Variants in SLAMF9 observed in about 807,000 individuals in gnomAD.
The protein encoded by SLAMF9 is CD2 family member 10.
In SLAMF9, 25 loss-of-function variants were observed where a neutral mutation model predicts 30.4. That is an observed-to-expected ratio of 0.82 (90% CI 0.60 to 1.15). The LOEUF is 1.15. Among genes scored for constraint, SLAMF9 ranks in the 50% most tolerant of loss-of-function variants. SLAMF9 has a pLI of 0.00. For missense variants in SLAMF9, 344 were observed against 346.1 expected, an observed-to-expected ratio of 0.99 and a Z score of 0.05; for synonymous variants, 129 against 127.2, an observed-to-expected ratio of 1.01 and a Z score of -0.09.
rs747519083 is a variant in SLAMF9 at position 159,953,661 on chromosome 1, G to A, written c.47-8C>T. 1.3e-6 allele frequency: 2 copies of A among 1,583,768 alleles called. No individual in the cohort carries two copies. Among genetic ancestry groups the A allele is most frequent in the Middle Eastern group, 1.9e-4 (1 of 5,230 alleles). ...AGAGTCTCCTTTGGCTGCCTATGCAGGAAGAAAAGAGAAGCAAACAACCCA... is the reference window on the plus strand; with the variant it reads ...AGAGTCTCCTTTGGCTGCCTATGCAAGAAGAAAAGAGAAGCAAACAACCCA... On this transcript the variant is annotated splice_polypyrimidine_tract_variant and splice_region_variant and intron_variant, in intron 1 of 3. Transcript: ENST00000368093.
At chr1:159,978,081 T>A in the SLAMF9 span, among the ~76,000 whole-genome samples, 1 of 152,008 alleles carries the variant, frequency 6.6e-6, no homozygotes, top group East Asian at 1.9e-4. Context: ...CCCCACCAGG[T>A]CATAGTTCCT....
At chr1:159,977,927 G>C in the SLAMF9 span, among the ~76,000 whole-genome samples, 3 of 152,182 alleles carry the variant, frequency 2.0e-5, no homozygotes, top group East Asian at 5.8e-4. Flanking sequence ...TGGGGAAAAG[G>C]GAGGGGGTGA....
the SLAMF9 span, among the ~76,000 whole-genome samples, chr1:159,968,143 C>T: frequency 8.5e-5 from 13 of 152,220 alleles, no homozygotes; most frequent in East Asian, 1.7e-3. Context: ...ACGTTGAAAA[C>T]GAGTAGTGGA....
the SLAMF9 span, chr1:159,973,273 G>T: frequency 4.0e-6 from 3 of 757,032 alleles, no homozygotes; most frequent in Non-Finnish European, 4.5e-6. Context: ...ACAGGAGGTG[G>T]GAACTGCTCT....
chr1:159,955,441 G>C (rs529404215), upstream of SLAMF9, among the ~76,000 whole-genome samples: 4 of 152,240 alleles, frequency 2.6e-5, no homozygotes, highest in Non-Finnish European at 5.9e-5. Context: ...TCTGTGCTGT[G>C]AAGAGTGGTG....
chr1:159,972,940 G>T, the SLAMF9 span: 2 of 1,031,040 alleles, frequency 1.9e-6, no homozygotes, highest in Non-Finnish European at 1.3e-6. Context: ...CTCCCAGGGG[G>T]TCCCACTGCA....
At chr1:159,981,407 C>T in the SLAMF9 span, among the ~76,000 whole-genome samples, 1 of 152,174 alleles carries the variant, frequency 6.6e-6, no homozygotes, top group Admixed American at 6.5e-5. Flanking sequence ...TTACAGCAGC[C>T]TGAGCTGACT....
chr1:159,954,265 T>G (rs1475117967), upstream of SLAMF9: 24 of 1,030,406 alleles, frequency 2.3e-5, no homozygotes, highest in Non-Finnish European at 3.3e-5. Flanking sequence ...GGAAATAATT[T>G]TCCCCTGACT....
At chr1:159,983,725 A>T in the SLAMF9 span, 1 of 152,246 alleles carries the variant, frequency 6.6e-6, no homozygotes, top group Non-Finnish European at 1.5e-5. Flanking sequence ...GAGGGGATAG[A>T]TGATTCCTAA....
the SLAMF9 span, chr1:159,973,142 G>A: frequency 1.3e-6 from 2 of 1,540,204 alleles, no homozygotes; most frequent in Non-Finnish European, 1.8e-6. Context: ...GCAAGGTGTG[G>A]CCATCCTTGT....
At chr1:159,976,755 G>A in the SLAMF9 span, 1 of 151,864 alleles carries the variant, frequency 6.6e-6, no homozygotes, top group African/African-American at 2.4e-5. Flanking sequence ...TGGTTGGGAG[G>A]AGGTAAAGAG....
At chr1:159,969,975 G>A in the SLAMF9 span, among the ~76,000 whole-genome samples, 4 of 152,116 alleles carry the variant, frequency 2.6e-5, no homozygotes, top group East Asian at 1.9e-4. Context: ...GCTTGAGCCC[G>A]GGGGTGAAGG....
At chr1:159,978,509 A>T in the SLAMF9 span, 6 of 152,268 alleles carry the variant, frequency 3.9e-5, no homozygotes, top group Admixed American at 3.9e-4. Flanking sequence ...GCAGCTAAGA[A>T]GGGAGACAGA....
chr1:159,983,357 G>A, the SLAMF9 span: 1 of 152,184 alleles, frequency 6.6e-6, no homozygotes, highest in Non-Finnish European at 1.5e-5. Flanking sequence ...ACCTGGACTG[G>A]AGTCACAATC....
upstream of SLAMF9, among the ~76,000 whole-genome samples, chr1:159,958,201 T>C (rs953429501): frequency 1.3e-5 from 2 of 152,216 alleles, no homozygotes; most frequent in Non-Finnish European, 2.9e-5. Context: ...AGCTAGAGCC[T>C]GTCGGTTAAC....
chr1:159,974,179 G>A, the SLAMF9 span: 297 of 729,054 alleles, frequency 4.1e-4, no homozygotes, highest in African/African-American at 4.5e-3. Flanking sequence ...GGATGGTACC[G>A]GTGCAGTGTC....
intron 2 of SLAMF9, among the ~76,000 whole-genome samples, 182 bp from the exon 3 acceptor site, chr1:159,952,716 A>G (rs983114490): frequency 6.6e-6 from 1 of 152,176 alleles, no homozygotes; most frequent in Non-Finnish European, 1.5e-5. Flanking sequence ...CCCCAAGGCA[A>G]CTGTCAAGGA....
the SLAMF9 span, among the ~76,000 whole-genome samples, chr1:159,968,864 A>G: frequency 7.9e-5 from 12 of 152,300 alleles, no homozygotes; most frequent in East Asian, 2.3e-3. Flanking sequence ...CAGCCTGGCC[A>G]ACATGGTGAA....
At chr1:159,973,852 A>G in the SLAMF9 span, 2 of 1,613,510 alleles carry the variant, frequency 1.2e-6, no homozygotes, top group South Asian at 2.2e-5. Flanking sequence ...TGTGGAATAT[A>G]CATCACCTGC....
Sources: allele counts gnomAD v4.1 joint callset (sites outside exome capture counted in the v4.1 genomes callset), GRCh38; gene constraint gnomAD v4.1.1; transcripts MANE v1.5; gene names NCBI Gene and HGNC (gene_info 2026-07-23, HGNC 2026-07-21).